STXBP5L: variants seen among roughly 807,000 people sequenced by gnomAD.
STXBP5L encodes syntaxin binding protein 5L, also known as syntaxin-binding protein 5-like.
STXBP5L carries 65 observed loss-of-function variants against 144.5 expected under a neutral mutation model. The observed-to-expected ratio is 0.45, with a 90% CI of 0.37 to 0.55. The LOEUF is 0.55. STXBP5L is among the 20% of genes least tolerant of loss of function. The pLI is 0.00. For missense variants in STXBP5L, 1,298 were observed against 1,405.5 expected, an observed-to-expected ratio of 0.92 and a Z score of 1.22; for synonymous variants, 505 against 469.6, an observed-to-expected ratio of 1.08 and a Z score of -0.97.
intron 3 of STXBP5L, among the ~76,000 whole-genome samples, chr3:120,976,198 A>G (rs1164220345): frequency 2.6e-5 from 4 of 152,112 alleles, no homozygotes; most frequent in Admixed American, 6.5e-5. Flanking sequence ...TTGGTAAGCT[A>G]TTGATTATTG....
chr3:120,987,944 A>G (rs1942460301), intron 3 of STXBP5L, among the ~76,000 whole-genome samples: 1 of 151,832 alleles, frequency 6.6e-6, no homozygotes, highest in African/African-American at 2.4e-5. Context: ...TAATTTCATG[A>G]GAGATTTGAT....
At chr3:121,268,177 G>A (rs2050633397) in intron 18 of STXBP5L, among the ~76,000 whole-genome samples, 1 of 152,160 alleles carries the variant, frequency 6.6e-6, no homozygotes, top group African/African-American at 2.4e-5. Flanking sequence ...TTCAATGATA[G>A]ACTGGATAAA....
At chr3:121,016,465 T>C (rs1287173033) in intron 3 of STXBP5L, among the ~76,000 whole-genome samples, 1 of 152,120 alleles carries the variant, frequency 6.6e-6, no homozygotes, top group Admixed American at 6.5e-5. Context: ...CAGAAATAAA[T>C]GACTTTGATG....
chr3:121,074,894 G>T (rs2041958698), intron 5 of STXBP5L, among the ~76,000 whole-genome samples: 3 of 152,178 alleles, frequency 2.0e-5, no homozygotes, highest in Admixed American at 6.5e-5. Flanking sequence ...ACATCTTGTA[G>T]ATTTGAAGTA....
At chr3:121,063,061 T>C (rs2041361815) in intron 5 of STXBP5L, among the ~76,000 whole-genome samples, 1 of 152,104 alleles carries the variant, frequency 6.6e-6, no homozygotes, top group South Asian at 2.1e-4. Flanking sequence ...TGGTGAGGAG[T>C]TGTGATCCTC....
At chr3:121,341,695 A>C (rs1365248109) in intron 20 of STXBP5L, among the ~76,000 whole-genome samples, 1 of 152,064 alleles carries the variant, frequency 6.6e-6, no homozygotes, top group Non-Finnish European at 1.5e-5. Context: ...CACCAAAGAG[A>C]GAGATCCTGT....
chr3:120,951,758 G>A (rs1488235438), intron 2 of STXBP5L, among the ~76,000 whole-genome samples: 1 of 152,036 alleles, frequency 6.6e-6, no homozygotes, highest in Non-Finnish European at 1.5e-5. Flanking sequence ...GATTCCTCAG[G>A]GATCTAGAAC....
chr3:121,113,962 G>A (rs990329965), intron 5 of STXBP5L, among the ~76,000 whole-genome samples: 8 of 151,952 alleles, frequency 5.3e-5, no homozygotes, highest in South Asian at 2.1e-4. Context: ...ATGAGCCACC[G>A]CGCCTGGCCT....
chr3:121,205,347 AG>A (rs1435164969), intron 9 of STXBP5L, among the ~76,000 whole-genome samples: 1 of 152,198 alleles, frequency 6.6e-6, no homozygotes, highest in Non-Finnish European at 1.5e-5. Context: ...AAGAGAGGGA[AG>A]GGGGCTGATC....
intron 10 of STXBP5L, among the ~76,000 whole-genome samples, chr3:121,211,744 A>G (rs929809935): frequency 1.3e-5 from 2 of 151,624 alleles, no homozygotes; most frequent in Non-Finnish European, 2.9e-5. Flanking sequence ...ATTCCCAGCT[A>G]ATTTTTGTAT....
chr3:121,110,063 G>T (rs773447305), intron 5 of STXBP5L, among the ~76,000 whole-genome samples: 1 of 152,124 alleles, frequency 6.6e-6, no homozygotes, highest in Non-Finnish European at 1.5e-5. Flanking sequence ...TTTGCTGGTA[G>T]ATTTTCCCTC....
chr3:121,398,605 C>T (rs879258421), intron 22 of STXBP5L, among the ~76,000 whole-genome samples: 15 of 152,140 alleles, frequency 9.9e-5, no homozygotes, highest in Admixed American at 6.5e-5. Flanking sequence ...GCCTGACTTG[C>T]TGATTTTTTC....
At chr3:121,291,923 TAAATC>T (rs1336841389) in intron 19 of STXBP5L, among the ~76,000 whole-genome samples, 1 of 152,324 alleles carries the variant, frequency 6.6e-6, no homozygotes, top group East Asian at 1.9e-4. Flanking sequence ...ATCAAAGACT[TAAATC>T]TAAGACCTGA....
intron 3 of STXBP5L, 76 bp from the exon 4 acceptor site, chr3:121,041,624 T>G (rs1315772060): frequency 2.8e-6 from 3 of 1,085,704 alleles, no homozygotes; most frequent in East Asian, 2.4e-5. Flanking sequence ...CATCTGTTGA[T>G]CAATAAGTTA....
At chr3:121,019,232 AGAGTCT>A (rs2108199555) in intron 3 of STXBP5L, among the ~76,000 whole-genome samples, 1 of 152,254 alleles carries the variant, frequency 6.6e-6, no homozygotes, top group South Asian at 2.1e-4. Flanking sequence ...CTGCCCAAGG[AGAGTCT>A]GAGCTCAGAC....
intron 9 of STXBP5L, among the ~76,000 whole-genome samples, chr3:121,190,138 G>A (rs1264919804): frequency 6.6e-6 from 1 of 151,968 alleles, no homozygotes; most frequent in Non-Finnish European, 1.5e-5. Context: ...GGACAATAGT[G>A]GAGGGAAGGT....
chr3:121,141,702 C>T (rs1295512127), intron 7 of STXBP5L, among the ~76,000 whole-genome samples: 3 of 152,004 alleles, frequency 2.0e-5, no homozygotes, highest in Non-Finnish European at 2.9e-5. Flanking sequence ...GGTGTTATTG[C>T]TTAAAATAGA....
intron 3 of STXBP5L, among the ~76,000 whole-genome samples, chr3:120,962,235 A>C (rs9844215): frequency 0.099 from 15,106 of 152,146 alleles, 1,178 homozygotes; most frequent in Admixed American, 0.2. Context: ...TTGCCTGTTC[A>C]TTCTGATGGT....
At chr3:121,077,048 G>A (rs888480847) in intron 5 of STXBP5L, among the ~76,000 whole-genome samples, 7 of 152,102 alleles carry the variant, frequency 4.6e-5, no homozygotes, top group Admixed American at 1.3e-4. Context: ...GCCTCCCAGC[G>A]TCACGCTCTA....
Sources: gnomAD v4.1 joint callset for allele counts (sites outside exome capture counted in the v4.1 genomes callset) on GRCh38, gnomAD v4.1.1 for gene constraint, MANE v1.5 for transcripts, NCBI Gene and HGNC (gene_info 2026-07-23, HGNC 2026-07-21) for gene names.